The following TTLL7 variants were observed in gnomAD, a reference collection of about 807,000 sequenced individuals.
The protein encoded by TTLL7 is tubulin polyglutamylase TTLL7.
A neutral mutation model predicts 120.2 loss-of-function variants in TTLL7; 53 were observed. The ratio of observed to expected loss-of-function variants is 0.44; its 90% CI spans 0.35 to 0.55. TTLL7 has a LOEUF of 0.55. Among genes scored for constraint, TTLL7 ranks in the 20% least tolerant of loss-of-function variants. TTLL7 has a pLI of 0.00. For missense variants in TTLL7, 803 were observed against 1,054.7 expected (o/e 0.76, Z 3.31); for synonymous variants, 353 against 351.7 (o/e 1.00, Z -0.04).
chr1:83,873,375 GT>G (rs1653619381), intron 20 of TTLL7, among the ~76,000 whole-genome samples: 1 of 152,218 alleles, frequency 6.6e-6, no homozygotes, highest in South Asian at 2.1e-4. Context: ...ATCTAAGATT[GT>G]TTTTGAAATG....
intron 18 of TTLL7, among the ~76,000 whole-genome samples, chr1:83,894,924 G>A (rs1323256368): frequency 1.3e-5 from 2 of 152,034 alleles, no homozygotes; most frequent in African/African-American, 4.8e-5. Context: ...CTATAATTTG[G>A]AGGGCATGGA....
At chr1:83,955,051 C>A (rs935488466) in intron 1 of TTLL7, among the ~76,000 whole-genome samples, 1 of 152,122 alleles carries the variant, frequency 6.6e-6, no homozygotes, top group Non-Finnish European at 1.5e-5. Flanking sequence ...AATTCCAGTA[C>A]ATTTGTGCTA....
chr1:83,931,092 G>A (rs1475848142), intron 9 of TTLL7, among the ~76,000 whole-genome samples: 1 of 148,126 alleles, frequency 6.8e-6, no homozygotes, highest in African/African-American at 2.5e-5. Flanking sequence ...AAAAATTAGT[G>A]TTCCACCCAG....
chr1:83,993,460 T>C (rs904535669), intron 1 of TTLL7, among the ~76,000 whole-genome samples: 2 of 152,180 alleles, frequency 1.3e-5, no homozygotes, highest in African/African-American at 4.8e-5. Flanking sequence ...GTAAGAGAGA[T>C]GAAAATTTTC....
intron 1 of TTLL7, among the ~76,000 whole-genome samples, chr1:83,991,311 C>A (rs1652980241): frequency 6.6e-6 from 1 of 152,050 alleles, no homozygotes; most frequent in South Asian, 2.1e-4. Context: ...TACCTCTGCA[C>A]TGTACATTTA....
intron 20 of TTLL7, among the ~76,000 whole-genome samples, chr1:83,872,812 A>T (rs1653559340): frequency 6.6e-6 from 1 of 152,208 alleles, no homozygotes; most frequent in Non-Finnish European, 1.5e-5. Flanking sequence ...ATATCAACTC[A>T]TTTAGTTCTC....
chr1:83,880,960 T>C (rs1229461541), intron 20 of TTLL7, among the ~76,000 whole-genome samples: 2 of 152,134 alleles, frequency 1.3e-5, no homozygotes, highest in South Asian at 2.1e-4. Flanking sequence ...ATCCGATCTT[T>C]GAGAAACCTG....
chr1:83,875,967 T>G (rs1045160233), intron 20 of TTLL7, among the ~76,000 whole-genome samples: 1 of 151,882 alleles, frequency 6.6e-6, no homozygotes, highest in Non-Finnish European at 1.5e-5. Context: ...TATTAAAATT[T>G]TTTGGTTCTA....
intron 14 of TTLL7, 89 bp from the exon 15 acceptor site, chr1:83,911,452 G>A (rs1657669659): frequency 9.5e-7 from 1 of 1,047,838 alleles, no homozygotes; most frequent in African/African-American, 1.6e-5. Context: ...TTCCCCCTAT[G>A]CTTGCTGCTT....
chr1:83,981,125 A>T (rs949263074), intron 1 of TTLL7: 1 of 152,122 alleles, frequency 6.6e-6, no homozygotes, highest in Non-Finnish European at 1.5e-5. Flanking sequence ...GAAAGGAAAT[A>T]AAAAATGAGG....
At chr1:83,936,293 C>T (rs1461834276) in intron 8 of TTLL7, among the ~76,000 whole-genome samples, 2 of 152,110 alleles carry the variant, frequency 1.3e-5, no homozygotes, top group Admixed American at 6.6e-5. Flanking sequence ...AGCAGCCCAA[C>T]AGGTTTTCAC....
chr1:83,983,659 A>G (rs1019482390), intron 1 of TTLL7, among the ~76,000 whole-genome samples: 1 of 152,248 alleles, frequency 6.6e-6, no homozygotes, highest in African/African-American at 2.4e-5. Context: ...CAGCAAAAGA[A>G]ACTATCAACA....
At chr1:83,942,734 A>C in intron 6 of TTLL7, 55 bp from the exon 7 acceptor site, 1 of 1,337,022 alleles carries the variant, frequency 7.5e-7, no homozygotes, top group South Asian at 1.4e-5. Flanking sequence ...AAGGTGTTTA[A>C]AAAGTTATAG....
At position 83,892,425 on chromosome 1, in the gene TTLL7, T is replaced by C. The variant is rs528447522; in HGVS notation, c.2209-1944A>G. Among the ~76,000 whole-genome samples the C allele has an allele frequency of 1.7e-4, 23 of 136,730 alleles. 2 individuals carry two copies. The highest frequency in any genetic ancestry group is 6.1e-4 in the African/African-American group (22 of 36,112). 89.7% of individuals were successfully genotyped at this position (136,730 alleles called of 152,430 possible). ...ATGAACATATATATGAACATATATATGAACATATATATGAACATATGAATG... is the reference window on the plus strand; with the variant it reads ...ATGAACATATATATGAACATATATACGAACATATATATGAACATATGAATG... On this transcript the variant is annotated intron_variant, in intron 18 of 20. Coordinates refer to ENST00000260505, the MANE Select transcript of TTLL7 (RefSeq NM_024686.6).
At chr1:83,879,382 T>G (rs1420501581) in intron 20 of TTLL7, among the ~76,000 whole-genome samples, 1 of 151,944 alleles carries the variant, frequency 6.6e-6, no homozygotes, top group Non-Finnish European at 1.5e-5. Flanking sequence ...AATTATCTGA[T>G]TTGAGGATTT....
At chr1:83,978,962 A>G (rs186618038) in intron 1 of TTLL7, among the ~76,000 whole-genome samples, 9 of 152,320 alleles carry the variant, frequency 5.9e-5, no homozygotes, top group Admixed American at 5.2e-4. Flanking sequence ...GCTTATGACC[A>G]TGACTCCTCC....
chr1:83,946,458 C>T (rs1571271430), intron 6 of TTLL7: 1 of 152,178 alleles, frequency 6.6e-6, no homozygotes, highest in East Asian at 1.9e-4. Context: ...CTTGCACATT[C>T]TTTTTTAATA....
intron 1 of TTLL7, among the ~76,000 whole-genome samples, chr1:83,967,532 G>A (rs1217431080): frequency 6.6e-6 from 1 of 152,008 alleles, no homozygotes; most frequent in Admixed American, 6.6e-5. Flanking sequence ...CTGTGGTAGG[G>A]GATGCAGTGA....
intron 17 of TTLL7, among the ~76,000 whole-genome samples, chr1:83,905,442 T>C (rs965010181): frequency 6.6e-6 from 1 of 151,668 alleles, no homozygotes; most frequent in Admixed American, 6.6e-5. Flanking sequence ...CTAAAGTATA[T>C]GCTAAAAAAC....
Sources: gnomAD v4.1 joint callset for allele counts (sites outside exome capture counted in the v4.1 genomes callset) on GRCh38, gnomAD v4.1.1 for gene constraint, MANE v1.5 for transcripts, NCBI Gene and HGNC (gene_info 2026-07-23, HGNC 2026-07-21) for gene names.